The following RBFOX1 variants were observed in gnomAD, a reference collection of about 807,000 sequenced individuals.
The protein encoded by RBFOX1 is RNA binding fox-1 homolog 1.
A neutral mutation model predicts 57.7 loss-of-function variants in RBFOX1; 8 were observed. The observed-to-expected ratio is 0.14, with a 90% CI of 0.08 to 0.25. RBFOX1 has a LOEUF of 0.25. RBFOX1 is among the 10% of genes least tolerant of loss of function. The pLI, the probability that RBFOX1 is intolerant of heterozygous loss-of-function variation, is 1.00. For missense variants in RBFOX1, 611 were observed against 548.5 expected, an observed-to-expected ratio of 1.11 and a Z score of -1.14; for synonymous variants, 326 against 222.4, an observed-to-expected ratio of 1.47 and a Z score of -4.15.
chr16:5,964,055 G>C (rs560201827), intron 4 of RBFOX1, among the ~76,000 whole-genome samples: 32 of 152,106 alleles, frequency 2.1e-4, no homozygotes, highest in Non-Finnish European at 4.1e-4. Flanking sequence ...CAACTCAGTA[G>C]CAAAAAGCCA....
At chr16:7,370,379 T>C (rs2097544564) in intron 4 of RBFOX1, among the ~76,000 whole-genome samples, 1 of 152,138 alleles carries the variant, frequency 6.6e-6, no homozygotes, top group Non-Finnish European at 1.5e-5. Flanking sequence ...TGGAGGTACA[T>C]TGTGATGTGT....
intron 1 of RBFOX1, among the ~76,000 whole-genome samples, chr16:6,247,417 A>G (rs1281840245): frequency 6.6e-6 from 1 of 152,188 alleles, no homozygotes; most frequent in Non-Finnish European, 1.5e-5. Context: ...GAAGAACCAG[A>G]CATGCTGTCT....
At chr16:6,134,061 CA>C in intron 1 of RBFOX1, among the ~76,000 whole-genome samples, 1 of 152,076 alleles carries the variant, frequency 6.6e-6, no homozygotes, top group South Asian at 2.1e-4. Context: ...CTCAGCCCCC[CA>C]GGTAACTGAG....
intron 3 of RBFOX1, among the ~76,000 whole-genome samples, chr16:6,953,728 A>ACATAT (rs1236395623): frequency 6.6e-6 from 1 of 152,220 alleles, no homozygotes; most frequent in Non-Finnish European, 1.5e-5. Context: ...ATATAAATAT[A>ACATAT]CATATTTTAT....
intron 4 of RBFOX1, among the ~76,000 whole-genome samples, chr16:7,382,834 A>G (rs929121997): frequency 6.6e-6 from 1 of 152,224 alleles, no homozygotes; most frequent in Admixed American, 6.5e-5. Context: ...TTCAGAGTAA[A>G]TTGCTCCCTA....
chr16:6,845,573 G>C (rs2093710356), intron 3 of RBFOX1, among the ~76,000 whole-genome samples: 1 of 152,142 alleles, frequency 6.6e-6, no homozygotes. Flanking sequence ...TGCTGTTTTG[G>C]TTATTGTAGC....
chr16:6,221,921 C>A (rs1388688759), intron 1 of RBFOX1, among the ~76,000 whole-genome samples: 1 of 152,140 alleles, frequency 6.6e-6, no homozygotes, highest in Non-Finnish European at 1.5e-5. Context: ...GGGACACAGC[C>A]AAACCGTATC....
chr16:6,238,108 A>G (rs529832371), intron 1 of RBFOX1, among the ~76,000 whole-genome samples: 450 of 147,734 alleles, frequency 3.0e-3, no homozygotes, highest in Non-Finnish European at 4.8e-3. Flanking sequence ...AAAAAAAAAA[A>G]AAAGAAAGAA....
chr16:6,375,009 A>C (rs962473208), intron 2 of RBFOX1, among the ~76,000 whole-genome samples: 1 of 151,860 alleles, frequency 6.6e-6, no homozygotes, highest in Admixed American at 6.5e-5. Flanking sequence ...CTATTGCTGC[A>C]TTGAGTGCTT....
At chr16:6,564,189 C>T (rs1380223088) in intron 2 of RBFOX1, among the ~76,000 whole-genome samples, 3 of 152,092 alleles carry the variant, frequency 2.0e-5, no homozygotes, top group South Asian at 4.1e-4. Context: ...GCCATGATTG[C>T]CTTGCTTACC....
At chr16:5,868,280 G>C (rs1355872136) in intron 4 of RBFOX1, among the ~76,000 whole-genome samples, 1 of 152,200 alleles carries the variant, frequency 6.6e-6, no homozygotes, top group African/African-American at 2.4e-5. Context: ...GTGACGTCCA[G>C]TGTTGCATTA....
chr16:7,614,618 A>G (rs2058118946), intron 10 of RBFOX1: 1 of 152,192 alleles, frequency 6.6e-6, no homozygotes, highest in Admixed American at 6.5e-5. Flanking sequence ...GTCCTTGTAC[A>G]AGAAGCTTCA....
At chr16:7,349,540 C>G (rs376562922) in intron 4 of RBFOX1, among the ~76,000 whole-genome samples, 2 of 137,180 alleles carry the variant, frequency 1.5e-5, no homozygotes, top group African/African-American at 2.5e-5. Context: ...TTTTTTTTTT[C>G]CAATCAGTAG....
chr16:7,201,655 G>C (rs2088527055), intron 4 of RBFOX1, among the ~76,000 whole-genome samples: 1 of 151,994 alleles, frequency 6.6e-6, no homozygotes, highest in African/African-American at 2.4e-5. Flanking sequence ...GCAGAGATAT[G>C]GTTTCACCTT....
At chr16:6,699,315 T>A (rs1425797358) in intron 3 of RBFOX1, among the ~76,000 whole-genome samples, 2 of 142,220 alleles carry the variant, frequency 1.4e-5, no homozygotes, top group Admixed American at 7.1e-5. Flanking sequence ...TTTTTTTTTT[T>A]AAAGTGACTT....
intron 2 of RBFOX1, among the ~76,000 whole-genome samples, chr16:6,620,761 A>G (rs1006939701): frequency 2.6e-5 from 4 of 152,342 alleles, no homozygotes; most frequent in East Asian, 3.9e-4. Context: ...AAAGAAATGG[A>G]TAAATTCCTG....
chr16:5,462,369 C>T (rs1305827346), intron 1 of RBFOX1, among the ~76,000 whole-genome samples: 6 of 152,040 alleles, frequency 3.9e-5, no homozygotes, highest in South Asian at 2.1e-4. Flanking sequence ...GGGGTTTCAC[C>T]GTGTTGGCCA....
chr16:5,351,776 G>T (rs2065267398), intron 1 of RBFOX1, among the ~76,000 whole-genome samples: 1 of 152,066 alleles, frequency 6.6e-6, no homozygotes, highest in African/African-American at 2.4e-5. Context: ...ATGTTTGCTT[G>T]AAGCTTTAGG....
At chr16:7,441,441 G>C (rs2149891311) in intron 4 of RBFOX1, among the ~76,000 whole-genome samples, 1 of 152,324 alleles carries the variant, frequency 6.6e-6, no homozygotes, top group South Asian at 2.1e-4. Context: ...CAGAAGAGCA[G>C]AGATGGGACT....
Sources: gnomAD v4.1 joint callset for allele counts (sites outside exome capture counted in the v4.1 genomes callset) on GRCh38, gnomAD v4.1.1 for gene constraint, MANE v1.5 for transcripts, NCBI Gene and HGNC (gene_info 2026-07-23, HGNC 2026-07-21) for gene names.